The following DUSP4 variants were observed in gnomAD, a reference collection of about 807,000 sequenced individuals.
DUSP4 encodes dual specificity protein phosphatase 4.
Under a neutral mutation model 27.2 loss-of-function variants are expected in DUSP4, and 12 were observed. The observed-to-expected ratio is 0.44, with a 90% CI of 0.28 to 0.71. The LOEUF is 0.71. Among genes scored for constraint, DUSP4 ranks in the 30% least tolerant of loss-of-function variants. The pLI is 0.14. For synonymous variants in DUSP4, 257 were observed against 245.2 expected (o/e 1.05, Z -0.45); for missense variants, 448 against 551.3 (o/e 0.81, Z 1.88).
At position 29,338,331 on chromosome 8, in the gene DUSP4, G is replaced by A. The variant is rs1376488410; in HGVS notation, c.750C>T (p.Asn250=). 6 of 1,614,094 alleles carry A rather than the reference G, an allele frequency of 3.7e-6. No individual in the cohort carries two copies. In the Admixed American group the frequency reaches 8.3e-5, roughly 22 times the overall value. The part of the protein sequence containing the change: ...YQYKCIPVED[N]HKADISSWFM... ...ACCAGGAGCTGATGTCGGCCTTGTG[G>A]TTATCTTCCACTGGGATGCACTTGT... Residue 250 remains asparagine (N), a synonymous_variant, in exon 3 of 4, where the codon AAC becomes AAT. Coordinates refer to ENST00000240100, the MANE Select transcript of DUSP4 (RefSeq NM_001394.7).
intron 2 of DUSP4, 75 bp downstream of exon 2, chr8:29,340,023 C>T: frequency 6.7e-7 from 1 of 1,501,860 alleles, no homozygotes; most frequent in East Asian, 2.5e-5. Flanking sequence ...ACCGTCAGAA[C>T]TCTGAAAAGA....
In DUSP4 at chr8:29,339,536, C is replaced by T. The variant is rs1006033646; in HGVS notation, c.579+562G>A. 3.9e-5 allele frequency among the ~76,000 whole-genome samples: 6 copies of T among 151,946 alleles called. No individual in the cohort carries two copies. In the South Asian group the frequency reaches 6.2e-4, roughly 16 times the overall value. ...GGAGGCCTCCTCACTTGTCCGGACA[C>T]GACGTTAGAGGCCAAGCCAGGGAGT... On this transcript the variant is annotated intron_variant, in intron 2 of 3. Transcript: ENST00000240100.
At position 29,343,273 on chromosome 8, in the gene DUSP4, T is replaced by C. The variant is rs574862673; in HGVS notation, c.434-3030A>G. On this transcript the variant is annotated intron_variant, in intron 1 of 3. Coordinates refer to ENST00000240100, the MANE Select transcript of DUSP4 (RefSeq NM_001394.7). ...GACAGTGGTGGCCAGCTTTTGGGGG[T>C]CTGTGGCTGGTTTCACAAGATGCCA... Among the ~76,000 whole-genome samples, 4 of 149,858 alleles carry C rather than the reference T, an allele frequency of 2.7e-5. No individual in the cohort carries two copies. In the South Asian group the frequency reaches 8.5e-4, roughly 32 times the overall value.
intron 1 of DUSP4, chr8:29,345,431 G>A: frequency 6.2e-7 from 1 of 1,614,136 alleles, no homozygotes; most frequent in Non-Finnish European, 8.5e-7. Context: ...CTAACGCCAT[G>A]CTGGGGGCTC....
chr8:29,343,973 G>A (rs942314376), intron 1 of DUSP4, among the ~76,000 whole-genome samples: 3 of 152,182 alleles, frequency 2.0e-5, no homozygotes, highest in Non-Finnish European at 2.9e-5. Context: ...AGATCACCTA[G>A]TTTTATCCCA....
At chr8:29,345,615 A>G in intron 1 of DUSP4, 1 of 1,486,130 alleles carries the variant, frequency 6.7e-7, no homozygotes, top group South Asian at 1.4e-5. Context: ...TTTTTCAAGG[A>G]ATTTCTTGGC....
chr8:29,337,406 C>A lies in DUSP4; in HGVS notation c.805G>T (p.Val269Leu). ...AGCACGCGCCCACGGCAGTCCTTCA[C>A]GGCATCTGGGGACAGGGTTCAATAG... Reference protein sequence around the residue: ...FMEAIEYIDAVKDCRGRVLVH... With the variant: ...FMEAIEYIDALKDCRGRVLVH... Residue 269 changes from valine (V) to leucine (L), a missense_variant, in exon 4 of 4, where the codon GTG becomes TTG. Val to Leu is a conservative substitution (Grantham distance 32). Transcript: ENST00000240100. The surrounding 1 kb of genome is among the most constrained non-coding windows in gnomAD (Gnocchi z 6.4). 1.9e-6 allele frequency: 3 copies of A among 1,602,556 alleles called. No individual in the cohort carries two copies. Among genetic ancestry groups the A allele is most frequent in the East Asian group, 2.2e-5 (1 of 44,832 alleles).
intron 1 of DUSP4, chr8:29,348,295 C>T (rs1817764830): frequency 1.0e-6 from 1 of 985,568 alleles, no homozygotes; most frequent in Non-Finnish European, 1.2e-6. Flanking sequence ...CTCCCACCAG[C>T]GCCGACAAGC....
At chr8:29,340,798 C>T (rs900267888) in intron 1 of DUSP4, among the ~76,000 whole-genome samples, 2 of 152,132 alleles carry the variant, frequency 1.3e-5, no homozygotes, top group Admixed American at 6.5e-5. Flanking sequence ...AAGAGGAAAA[C>T]GGGCTTAAAT....
At position 29,338,358 on chromosome 8, in the gene DUSP4, C is replaced by G; in HGVS notation, c.723G>C (p.Gln241His). Reference sequence around the variant, plus strand: ...TATCTTCCACTGGGATGCACTTGTACTGATAGTGTCCTTCAAAGTGGTTTG... The same window carrying G: ...TATCTTCCACTGGGATGCACTTGTAGTGATAGTGTCCTTCAAAGTGGTTTG... ...DCPNHFEGHY[Q>H]YKCIPVEDNH... Residue 241 changes from glutamine to histidine, a missense_variant, in exon 3 of 4, where the codon CAG (glutamine) becomes CAC (histidine). By Grantham distance (24) the Gln-to-His change is conservative. Around this residue, in one of 3 missense-constraint regions of DUSP4, gnomAD observed 345 missense variants for 394.0 expected, o/e 0.88. Coordinates refer to ENST00000240100, the MANE Select transcript of DUSP4 (RefSeq NM_001394.7). 6.2e-7 allele frequency: 1 copy of G among 1,614,172 alleles called. No homozygotes were observed. The highest frequency in any genetic ancestry group is 8.5e-7 in the Non-Finnish European group (1 of 1,180,030).
chr8:29,339,197 T>C, intron 2 of DUSP4, among the ~76,000 whole-genome samples: 1 of 152,046 alleles, frequency 6.6e-6, no homozygotes, highest in East Asian at 1.9e-4. Flanking sequence ...AATAAACAAA[T>C]AAATAAGCTG....
At position 29,333,154 on chromosome 8, in the gene DUSP4, A is replaced by G. The variant is rs185822956; in HGVS notation, c.*3872T>C. On this transcript the variant is annotated 3_prime_UTR_variant, in exon 4 of 4. Coordinates refer to ENST00000240100, the MANE Select transcript of DUSP4 (RefSeq NM_001394.7). ...TGACTTCTAAAAAACAAAACCAAAC[A>G]AAAAAAAAATCCCCTAAACTATATA... 7.1e-6 allele frequency: 1 copy of G among 140,842 alleles called. No individual in the cohort carries two copies. Among genetic ancestry groups the G allele is most frequent in the East Asian group, 1.9e-4 (1 of 5,132 alleles). 8.7% of individuals were successfully genotyped at this position (140,842 alleles called of 1,614,324 possible).
intron 1 of DUSP4, among the ~76,000 whole-genome samples, chr8:29,342,893 C>T (rs944753013): frequency 1.7e-4 from 26 of 152,282 alleles, no homozygotes; most frequent in East Asian, 7.7e-4. Flanking sequence ...GTGAGCTGGG[C>T]GCGGTGGCTC....
intron 1 of DUSP4, chr8:29,346,028 G>A (rs1817729724): frequency 1.0e-6 from 1 of 985,286 alleles, no homozygotes; most frequent in Non-Finnish European, 1.2e-6. Context: ...GCTGTTTGAT[G>A]CCATTGCCCT....
chr8:29,338,882 T>C (rs1744785723), intron 2 of DUSP4, among the ~76,000 whole-genome samples: 1 of 152,262 alleles, frequency 6.6e-6, no homozygotes, highest in South Asian at 2.1e-4. Flanking sequence ...TTATTTGTTT[T>C]GATATGTATT....
In DUSP4 at chr8:29,350,425, G is replaced by A; in HGVS notation, c.-147C>T. The A allele has an allele frequency of 1.1e-6, 1 of 936,402 alleles. No individual in the cohort carries two copies. The highest frequency in any genetic ancestry group is 1.8e-5 in the South Asian group (1 of 54,726). The allele number at this position is 936,402 out of a possible 1,614,324, so 58.0% of individuals were successfully genotyped here. ...GGTCCTCAAGGGCTCCCGCGGGAGA[G>A]CCTCTTCTTCCCTGTCCCCTTCCTC... On this transcript the variant is annotated 5_prime_UTR_variant, in exon 1 of 4. Coordinates refer to ENST00000240100, the MANE Select transcript of DUSP4 (RefSeq NM_001394.7).
At position 29,345,853 on chromosome 8, in the gene DUSP4, T is replaced by TA. The variant is rs1288430642; in HGVS notation, c.433+3992dup. On this transcript the variant is annotated intron_variant, in intron 1 of 3. Coordinates refer to ENST00000240100, the MANE Select transcript of DUSP4 (RefSeq NM_001394.7). ...CTAACATAGTGAGTTTGCTTCATTG[T>TA]AAAAAATCACCTGTAAGACCTAGCA... The TA allele has an allele frequency of 9.4e-6, 10 of 1,061,262 alleles. No individual in the cohort carries two copies. The South Asian group carries it at 2.1e-4, about 22-fold the overall frequency. 65.7% of individuals were successfully genotyped at this position (1,061,262 alleles called of 1,614,324 possible). A position where few individuals can be genotyped will look rare whatever the true frequency, so the allele number is the denominator to read the frequency against.
chr8:29,340,052 A>C, intron 2 of DUSP4, 46 bp downstream of exon 2: 2 of 1,545,276 alleles, frequency 1.3e-6, no homozygotes, highest in Admixed American at 2.0e-5. Context: ...ACTGGCCCCT[A>C]CGCTGTTCCT....
rs764584893 is a variant in DUSP4 at position 29,349,881 on chromosome 8, C to T, written c.398G>A (p.Arg133His). 1.3e-6 allele frequency: 2 copies of T among 1,518,514 alleles called. No individual in the cohort carries two copies. The highest frequency in any genetic ancestry group is 1.8e-6 in the Non-Finnish European group (2 of 1,139,398). 94.1% of individuals were successfully genotyped at this position (1,518,514 alleles called of 1,614,324 possible). A position where few individuals can be genotyped will look rare whatever the true frequency, so the allele number is the denominator to read the frequency against. Residue 133 changes from arginine (R) to histidine (H), a missense_variant, in exon 1 of 4, where the codon CGC (arginine) becomes CAC (histidine). By Grantham distance (29) the Arg-to-His change is conservative (BLOSUM62 0). Transcript: ENST00000240100. ...TVSLVVQALRRNAERTDICLL... is the reference protein window; with the variant it reads ...TVSLVVQALRHNAERTDICLL... ...GCAGATGTCGGTGCGCTCGGCGTTG[C>T]GGCGCAGCGCCTGCACCACCAGCGA... is the stretch of plus-strand genomic sequence containing the variant.
Sources: gnomAD v4.1 joint callset for allele counts (sites outside exome capture counted in the v4.1 genomes callset) on GRCh38, gnomAD v4.1.1 for gene constraint, gnomAD v4.1.1 regional missense constraint, Gnocchi (gnomAD v3.1) non-coding constraint, MANE v1.5 for transcripts, NCBI Gene and HGNC (gene_info 2026-07-23, HGNC 2026-07-21) for gene names.